Variants in DENND1B observed in about 807,000 individuals in gnomAD.
DENND1B encodes DENN domain containing 1B, also known as DENN domain-containing protein 1B.
A neutral mutation model predicts 90.1 loss-of-function variants in DENND1B; 59 were observed. The observed-to-expected ratio is 0.65, with a 90% CI of 0.53 to 0.81. DENND1B has a LOEUF of 0.81. Ranked by LOEUF, DENND1B falls within the 40% of genes least tolerant of loss-of-function variation. DENND1B has a pLI of 0.00. For synonymous variants in DENND1B, 337 were observed against 324.6 expected, an observed-to-expected ratio of 1.04 and a Z score of -0.41; for missense variants, 862 against 912.6, an observed-to-expected ratio of 0.94 and a Z score of 0.71.
intron 2 of DENND1B, among the ~76,000 whole-genome samples, chr1:197,725,221 A>G (rs1292487277): frequency 6.6e-6 from 1 of 152,136 alleles, no homozygotes; most frequent in Non-Finnish European, 1.5e-5. Flanking sequence ...TCCTAGAGAG[A>G]AAAGAGGTAA....
chr1:197,629,855 AAAAC>A (rs1380330870), intron 10 of DENND1B, among the ~76,000 whole-genome samples: 10 of 152,052 alleles, frequency 6.6e-5, no homozygotes, highest in Admixed American at 1.3e-4. Flanking sequence ...CTATAATAAG[AAAAC>A]AAACAACCCA....
At chr1:197,736,138 T>G (rs1354854253) in intron 2 of DENND1B, 5 of 641,224 alleles carry the variant, frequency 7.8e-6, no homozygotes, top group Admixed American at 2.6e-5. Flanking sequence ...TAAATAAATA[T>G]TGGACTTAAA....
At chr1:197,576,619 A>G (rs751943743) in intron 15 of DENND1B, among the ~76,000 whole-genome samples, 1 of 152,196 alleles carries the variant, frequency 6.6e-6, no homozygotes, top group Non-Finnish European at 1.5e-5. Flanking sequence ...AACATGTATA[A>G]ATGTTTTGGA....
chr1:197,732,553 T>C (rs1662244614), intron 2 of DENND1B, among the ~76,000 whole-genome samples: 1 of 152,198 alleles, frequency 6.6e-6, no homozygotes, highest in Non-Finnish European at 1.5e-5. Flanking sequence ...AAAGACACCA[T>C]GGCAGACTGA....
chr1:197,781,068 A>G, the DENND1B span, among the ~76,000 whole-genome samples: 4 of 152,200 alleles, frequency 2.6e-5, no homozygotes, highest in African/African-American at 9.7e-5. Context: ...CAGGACTACT[A>G]AAGTTGACAG....
intron 10 of DENND1B, among the ~76,000 whole-genome samples, chr1:197,619,195 T>G (rs1284050240): frequency 6.6e-6 from 1 of 151,262 alleles, no homozygotes; most frequent in Non-Finnish European, 1.5e-5. Context: ...ACTTTTTAAA[T>G]TCCTTAATTA....
intron 15 of DENND1B, among the ~76,000 whole-genome samples, chr1:197,581,223 C>T (rs559665652): frequency 1.4e-4 from 21 of 152,256 alleles, no homozygotes; most frequent in Admixed American, 3.3e-4. Flanking sequence ...ACTCTGTCAA[C>T]GAGAATCTTT....
chr1:197,541,737 TA>T (rs1670351842), intron 18 of DENND1B, among the ~76,000 whole-genome samples: 1 of 152,218 alleles, frequency 6.6e-6, no homozygotes, highest in African/African-American at 2.4e-5. Flanking sequence ...TTTTGTTTCC[TA>T]AATATATGAC....
intron 7 of DENND1B, among the ~76,000 whole-genome samples, chr1:197,649,010 G>A (rs1652800689): frequency 6.6e-6 from 1 of 152,132 alleles, no homozygotes; most frequent in South Asian, 2.1e-4. Flanking sequence ...CAAACATAAA[G>A]CAGCAGAGAG....
At chr1:197,634,556 T>C (rs1387364254) in intron 10 of DENND1B, among the ~76,000 whole-genome samples, 2 of 152,182 alleles carry the variant, frequency 1.3e-5, no homozygotes, top group African/African-American at 4.8e-5. Context: ...TACAAATCCA[T>C]GAATCTGAAA....
chr1:197,735,592 A>T (rs767830990), intron 2 of DENND1B: 1 of 1,614,146 alleles, frequency 6.2e-7, no homozygotes, highest in South Asian at 1.1e-5. Flanking sequence ...TTACTCGAAA[A>T]TACAGGTTGG....
chr1:197,707,769 G>T (rs573418603), intron 3 of DENND1B, among the ~76,000 whole-genome samples: 2 of 148,840 alleles, frequency 1.3e-5, no homozygotes, highest in South Asian at 2.1e-4. Context: ...AGCTCCCAGC[G>T]TGAGCGACGC....
intron 20 of DENND1B, among the ~76,000 whole-genome samples, chr1:197,538,858 G>A (rs971735514): frequency 6.6e-6 from 1 of 151,884 alleles, no homozygotes; most frequent in African/African-American, 2.4e-5. Flanking sequence ...CCACCCTCTT[G>A]GGTGGGATTA....
rs559210880 is a variant in DENND1B, at chr1:197,725,016, A to T, written c.83-9942T>A. Among the ~76,000 whole-genome samples, 3 of 152,248 alleles carry T rather than the reference A, an allele frequency of 2.0e-5. No homozygotes were observed. In the East Asian group the frequency reaches 5.8e-4, roughly 29 times the overall value. ...ATTTCTAAAAGATCAGACCAAAGAT[A>T]CCAGACTGTGTATAATGGAAGAGGG... On this transcript the variant is annotated intron_variant, in intron 2 of 22. Coordinates refer to ENST00000620048, the MANE Select transcript of DENND1B (RefSeq NM_001195215.2).
chr1:197,572,400 A>G (rs1054940879), intron 15 of DENND1B, among the ~76,000 whole-genome samples: 1 of 152,136 alleles, frequency 6.6e-6, no homozygotes, highest in Non-Finnish European at 1.5e-5. Context: ...GAGTAGGTAA[A>G]TAAAGGGGCC....
intron 5 of DENND1B, among the ~76,000 whole-genome samples, chr1:197,665,418 G>A (rs1654844337): frequency 6.6e-6 from 1 of 152,112 alleles, no homozygotes; most frequent in African/African-American, 2.4e-5. Context: ...AGAACTCTAA[G>A]GACTAGAATA....
chr1:197,739,585 A>G (rs1663023547), intron 2 of DENND1B, among the ~76,000 whole-genome samples: 1 of 152,250 alleles, frequency 6.6e-6, no homozygotes, highest in Non-Finnish European at 1.5e-5. Context: ...ACTCTAAATG[A>G]AAATAAAAAC....
chr1:197,683,813 T>G (rs1656942261), intron 3 of DENND1B, among the ~76,000 whole-genome samples: 1 of 152,210 alleles, frequency 6.6e-6, no homozygotes, highest in Admixed American at 6.5e-5. Context: ...TAGGTTTTAA[T>G]GTGTTCAACC....
In DENND1B at chr1:197,775,263, C is replaced by A; in HGVS notation, c.-108G>T. ...CCGTCCCCGCCCACGCCGGCGGCCA[C>A]ACAGGGAAAGAGGCTGCTCACAGCA... On this transcript the variant is annotated 5_prime_UTR_variant, in exon 1 of 23. Coordinates refer to ENST00000620048, the MANE Select transcript of DENND1B (RefSeq NM_001195215.2). 2 of 955,996 alleles carry A rather than the reference C, an allele frequency of 2.1e-6. No homozygotes were observed. The highest frequency in any genetic ancestry group is 2.7e-6 in the Non-Finnish European group (2 of 732,308). The allele number at this position is 955,996 out of a possible 1,614,324, so 59.2% of individuals were successfully genotyped here.
Sources: gnomAD v4.1 joint callset for allele counts (sites outside exome capture counted in the v4.1 genomes callset) on GRCh38, gnomAD v4.1.1 for gene constraint, MANE v1.5 for transcripts, NCBI Gene and HGNC (gene_info 2026-07-23, HGNC 2026-07-21) for gene names.